The following TP63 variants were observed in gnomAD, a reference collection of about 807,000 sequenced individuals.
TP63 encodes tumor protein 63.
Under a neutral mutation model 82.8 loss-of-function variants are expected in TP63, and 17 were observed. That is an observed-to-expected ratio of 0.21 (90% CI 0.14 to 0.31). TP63 has a LOEUF of 0.31. Among genes scored for constraint, TP63 ranks in the 10% least tolerant of loss-of-function variants. TP63 has a pLI of 1.00. For synonymous variants in TP63, 330 were observed against 321.7 expected (o/e 1.03, Z -0.28); for missense variants, 648 against 895.3 (o/e 0.72, Z 3.52).
chr3:189,682,408 C>G (rs1715993312), intron 1 of TP63, among the ~76,000 whole-genome samples: 1 of 145,210 alleles, frequency 6.9e-6, no homozygotes, highest in Admixed American at 6.9e-5. Flanking sequence ...AGGGGGGTAC[C>G]TTTCTTACAC....
intron 10 of TP63, among the ~76,000 whole-genome samples, chr3:189,877,225 G>A (rs1344852967): frequency 6.6e-6 from 1 of 152,096 alleles, no homozygotes; most frequent in Non-Finnish European, 1.5e-5. Context: ...TGCTTACATT[G>A]GAATAAATAT....
At chr3:189,614,147 A>G in the TP63 span, among the ~76,000 whole-genome samples, 8 of 152,284 alleles carry the variant, frequency 5.3e-5, no homozygotes, top group South Asian at 1.7e-3. Context: ...GTCCCCATTC[A>G]AATCTCAACT....
chr3:189,752,427 C>T (rs1721890259), intron 3 of TP63, among the ~76,000 whole-genome samples: 1 of 152,190 alleles, frequency 6.6e-6, no homozygotes. Context: ...GCAATCCTCC[C>T]ACCTCAGCCT....
chr3:189,831,940 T>C (rs1712423668), intron 4 of TP63, among the ~76,000 whole-genome samples: 1 of 145,092 alleles, frequency 6.9e-6, no homozygotes, highest in Non-Finnish European at 1.5e-5. Flanking sequence ...CAAGTGATTC[T>C]CCTGCCCCAA....
intron 4 of TP63, among the ~76,000 whole-genome samples, chr3:189,818,766 G>A (rs886475488): frequency 6.6e-6 from 1 of 152,058 alleles, no homozygotes; most frequent in Non-Finnish European, 1.5e-5. Flanking sequence ...GTTTTGGAGT[G>A]TATTTACTCT....
intron 4 of TP63, among the ~76,000 whole-genome samples, chr3:189,845,681 GA>G (rs1335255422): frequency 6.7e-6 from 1 of 149,146 alleles, no homozygotes; most frequent in Non-Finnish European, 1.5e-5. Context: ...GACGTGAATT[GA>G]TCTGGAATTG....
At chr3:189,663,257 T>C (rs1167159431) in intron 1 of TP63, among the ~76,000 whole-genome samples, 1 of 151,848 alleles carries the variant, frequency 6.6e-6, no homozygotes, top group Non-Finnish European at 1.5e-5. Context: ...GTTAAAAATA[T>C]AAGATAGGTT....
At chr3:189,655,033 G>C (rs1033407166) in intron 1 of TP63, among the ~76,000 whole-genome samples, 1 of 152,034 alleles carries the variant, frequency 6.6e-6, no homozygotes, top group Non-Finnish European at 1.5e-5. Flanking sequence ...CTTGATCATC[G>C]GTTAGAAAGA....
chr3:189,781,892 T>C (rs573849613), intron 3 of TP63, among the ~76,000 whole-genome samples: 17 of 152,262 alleles, frequency 1.1e-4, no homozygotes, highest in African/African-American at 3.8e-4. Flanking sequence ...TCATCAATAG[T>C]AAATCAAATC....
intron 1 of TP63, among the ~76,000 whole-genome samples, chr3:189,723,193 T>C (rs1004040546): frequency 6.6e-6 from 1 of 152,222 alleles, no homozygotes; most frequent in Non-Finnish European, 1.5e-5. Flanking sequence ...TAGTTACTAC[T>C]GGATTCTCCT....
chr3:189,815,619 C>CA (rs1346823684), intron 4 of TP63, among the ~76,000 whole-genome samples: 8 of 151,628 alleles, frequency 5.3e-5, no homozygotes, highest in East Asian at 1.9e-4. Context: ...GATACTAATT[C>CA]AAAAAAAAGT....
In TP63 at chr3:189,789,608, G is replaced by A. The variant is rs1724914436; in HGVS notation, c.325-18664G>A. 5.4e-6 allele frequency: 7 copies of A among 1,291,972 alleles called. No homozygotes were observed. The Admixed American group carries it at 1.2e-4, about 23-fold the overall frequency. The allele number at this position is 1,291,972 out of a possible 1,614,324, so 80.0% of individuals were successfully genotyped here. A position where few individuals can be genotyped will look rare whatever the true frequency, so the allele number is the denominator to read the frequency against. On this transcript the variant is annotated intron_variant, in intron 3 of 13. Coordinates refer to ENST00000264731, the MANE Select transcript of TP63 (RefSeq NM_003722.5). The stretch of plus-strand genomic sequence containing the variant: ...TTGGACAGGTAAAGAGAAGAGTCCC[G>A]CCTCCTCATGCCTATAGTTGGGTAT...
rs146216522 is a variant in TP63, at chr3:189,864,522, C to A, written c.766+104C>A. On this transcript the variant is annotated intron_variant, in intron 5 of 13. Transcript: ENST00000264731. ...CTACCTGATTCAGACTTCTGCACTCCGATGGCAGATCAGTCTGCCTTTTTT... is the reference window on the plus strand; with the variant it reads ...CTACCTGATTCAGACTTCTGCACTCAGATGGCAGATCAGTCTGCCTTTTTT... 6 of 954,774 alleles carry A rather than the reference C, an allele frequency of 6.3e-6. No individual in the cohort carries two copies. In the African/African-American group the frequency reaches 6.9e-5, roughly 11 times the overall value. The allele number at this position is 954,774 out of a possible 1,614,324, so 59.1% of individuals were successfully genotyped here.
At chr3:189,819,035 A>G (rs1728502006) in intron 4 of TP63, among the ~76,000 whole-genome samples, 1 of 152,216 alleles carries the variant, frequency 6.6e-6, no homozygotes. Flanking sequence ...CATTTGGAAG[A>G]CGGTGGATAG....
chr3:189,610,773 G>A, the TP63 span, among the ~76,000 whole-genome samples: 2 of 152,042 alleles, frequency 1.3e-5, no homozygotes, highest in Non-Finnish European at 2.9e-5. Context: ...CCATTTTCAT[G>A]CTGCTGATAA....
chr3:189,815,375 C>T (rs2108657209), intron 4 of TP63, among the ~76,000 whole-genome samples: 1 of 152,194 alleles, frequency 6.6e-6, no homozygotes, highest in East Asian at 1.9e-4. Context: ...AGGGAGGTAG[C>T]ATAAATGAGC....
At chr3:189,683,492 T>C (rs1014302787) in intron 1 of TP63, among the ~76,000 whole-genome samples, 2 of 152,198 alleles carry the variant, frequency 1.3e-5, no homozygotes, top group South Asian at 2.1e-4. Context: ...AACAAATCTT[T>C]CTTTGACAAC....
At chr3:189,825,487 T>C (rs12696597) in intron 4 of TP63, among the ~76,000 whole-genome samples, 52,921 of 152,112 alleles carry the variant, frequency 0.35, 9,457 homozygotes, top group East Asian at 0.52. Context: ...AGAGAATTTA[T>C]GCAAAGAATA....
chr3:189,867,087 T>G (rs1717819660), intron 6 of TP63, among the ~76,000 whole-genome samples: 1 of 152,182 alleles, frequency 6.6e-6, no homozygotes, highest in African/African-American at 2.4e-5. Flanking sequence ...TGAGATTGTT[T>G]TATCCAACTG....
Sources: allele counts gnomAD v4.1 joint callset (sites outside exome capture counted in the v4.1 genomes callset), GRCh38; gene constraint gnomAD v4.1.1; transcripts MANE v1.5; gene names NCBI Gene and HGNC (gene_info 2026-07-23, HGNC 2026-07-21).